Variants in NIPAL2 observed in about 807,000 individuals in gnomAD.
NIPAL2 encodes the protein NIPA like domain containing 2.
NIPAL2 carries 43 observed loss-of-function variants against 48.9 expected under a neutral mutation model. The observed-to-expected ratio is 0.88, with a 90% CI of 0.69 to 1.13. The LOEUF is 1.13. Ranked by LOEUF, NIPAL2 falls within the 50% of genes most tolerant of loss-of-function variation. NIPAL2 has a pLI of 0.00. For synonymous variants in NIPAL2, 167 were observed against 174.6 expected, an observed-to-expected ratio of 0.96 and a Z score of 0.34; for missense variants, 446 against 461.4, an observed-to-expected ratio of 0.97 and a Z score of 0.31.
intron 1 of NIPAL2, among the ~76,000 whole-genome samples, chr8:98,255,132 C>A (rs776328863): frequency 7.9e-5 from 12 of 152,204 alleles, no homozygotes; most frequent in Non-Finnish European, 1.2e-4. Context: ...TTAATAAACA[C>A]CTGCTTGAAA....
intron 1 of NIPAL2, among the ~76,000 whole-genome samples, chr8:98,256,631 T>A (rs1317126690): frequency 1.4e-5 from 2 of 146,892 alleles, no homozygotes. Context: ...TGGCTATAAT[T>A]AAAAAAAAAA....
chr8:98,246,286 A>G (rs1461335111), intron 3 of NIPAL2, among the ~76,000 whole-genome samples: 1 of 152,244 alleles, frequency 6.6e-6, no homozygotes, highest in Non-Finnish European at 1.5e-5. Context: ...CACCACAGAA[A>G]TACACAAAAC....
At chr8:98,232,953 G>A (rs564107341) in intron 4 of NIPAL2, among the ~76,000 whole-genome samples, 2 of 152,246 alleles carry the variant, frequency 1.3e-5, no homozygotes, top group East Asian at 3.9e-4. Context: ...ATAAATTTTA[G>A]CTGCTTTTAA....
intron 1 of NIPAL2, among the ~76,000 whole-genome samples, chr8:98,266,452 A>G (rs922792168): frequency 2.6e-5 from 4 of 151,622 alleles, no homozygotes; most frequent in South Asian, 4.2e-4. Flanking sequence ...AATATAAAAA[A>G]TTAGCCAGGC....
intron 8 of NIPAL2, among the ~76,000 whole-genome samples, chr8:98,201,419 G>C: frequency 6.6e-6 from 1 of 152,042 alleles, no homozygotes; most frequent in East Asian, 1.9e-4. Context: ...GGGTCCGGCT[G>C]TGTCACCCAG....
intron 1 of NIPAL2, among the ~76,000 whole-genome samples, chr8:98,259,408 G>A (rs1334920088): frequency 1.3e-5 from 2 of 152,010 alleles, no homozygotes; most frequent in African/African-American, 4.8e-5. Flanking sequence ...GTTTATTTTT[G>A]CCCAAAGCAG....
chr8:98,214,946 T>C (rs1303902582), intron 5 of NIPAL2, among the ~76,000 whole-genome samples: 1 of 152,238 alleles, frequency 6.6e-6, no homozygotes, highest in Admixed American at 6.5e-5. Flanking sequence ...TCCTAATTTC[T>C]GTCCATTTCA....
Position 98,233,263 on chromosome 8 carries a change from A to G in NIPAL2, c.436+2892T>C, listed in dbSNP as rs76973624. 2.7e-5 allele frequency among the ~76,000 whole-genome samples: 4 copies of G among 146,808 alleles called. No individual in the cohort carries two copies. The East Asian group carries it at 7.8e-4, about 29-fold the overall frequency. On this transcript the variant is annotated intron_variant, in intron 4 of 10. Coordinates refer to ENST00000430223, the MANE Select transcript of NIPAL2 (RefSeq NM_001321635.2). ...ACAGAGCGAGACTCCATCTCAAAAGAAAAAAAAAAGGTGAGGAATTAGCAA... is the reference window on the plus strand; with the variant it reads ...ACAGAGCGAGACTCCATCTCAAAAGGAAAAAAAAAGGTGAGGAATTAGCAA...
At chr8:98,262,977 C>T (rs1814453768) in intron 1 of NIPAL2, among the ~76,000 whole-genome samples, 1 of 148,582 alleles carries the variant, frequency 6.7e-6, no homozygotes, top group Non-Finnish European at 1.5e-5. Context: ...AAGAATCTCA[C>T]TCAAAACCGC....
At chr8:98,200,529 C>T (rs1270788325) in intron 8 of NIPAL2, among the ~76,000 whole-genome samples, 4 of 152,120 alleles carry the variant, frequency 2.6e-5, no homozygotes, top group Non-Finnish European at 5.9e-5. Flanking sequence ...ATTTATTCAT[C>T]TGTTGATGGA....
chr8:98,277,059 T>A (rs2130891127), intron 1 of NIPAL2, among the ~76,000 whole-genome samples: 1 of 152,254 alleles, frequency 6.6e-6, no homozygotes, highest in South Asian at 2.1e-4. Flanking sequence ...CGTGAGCCAG[T>A]ATACCCAGCC....
intron 6 of NIPAL2, among the ~76,000 whole-genome samples, chr8:98,211,303 CT>C (rs1811301873): frequency 6.6e-6 from 1 of 151,864 alleles, no homozygotes; most frequent in South Asian, 2.1e-4. Flanking sequence ...TCATTATTTT[CT>C]TATATAAGGT....
At chr8:98,290,223 G>A (rs1351561506) in intron 1 of NIPAL2, among the ~76,000 whole-genome samples, 2 of 152,156 alleles carry the variant, frequency 1.3e-5, no homozygotes, top group African/African-American at 4.8e-5. Flanking sequence ...ACAAATGTCA[G>A]TCTCCTCACT....
intron 1 of NIPAL2, among the ~76,000 whole-genome samples, chr8:98,287,507 A>C (rs139691541): frequency 8.5e-5 from 13 of 152,334 alleles, no homozygotes; most frequent in Admixed American, 7.8e-4. Flanking sequence ...AATAACTGAC[A>C]TAATTTTTCT....
intron 4 of NIPAL2, among the ~76,000 whole-genome samples, chr8:98,233,734 A>G (rs1398089772): frequency 1.3e-5 from 2 of 152,164 alleles, no homozygotes; most frequent in Non-Finnish European, 2.9e-5. Context: ...ACATATTGAT[A>G]TTTTTATTTC....
rs1485707722 is a variant in NIPAL2, at chr8:98,192,203, CT to C, written c.*774del. 1.3e-5 allele frequency: 2 copies of C among 152,146 alleles called. No individual in the cohort carries two copies. The highest frequency in any genetic ancestry group is 2.9e-5 in the Non-Finnish European group (2 of 68,014). 9.4% of individuals were successfully genotyped at this position (152,146 alleles called of 1,614,324 possible). ...AAAAAATAAACAAACATTAGTCCTA[CT>C]TTTTGTCTCTAACGCTTCATGAATT... On this transcript the variant is annotated 3_prime_UTR_variant, in exon 11 of 11. Coordinates refer to ENST00000430223, the MANE Select transcript of NIPAL2 (RefSeq NM_001321635.2).
intron 6 of NIPAL2, among the ~76,000 whole-genome samples, chr8:98,208,291 T>C (rs1254500159): frequency 6.6e-6 from 1 of 152,228 alleles, no homozygotes; most frequent in Middle Eastern, 3.2e-3. Context: ...TTTTCATCAA[T>C]ATACCTCCTT....
intron 4 of NIPAL2, among the ~76,000 whole-genome samples, chr8:98,233,352 G>GTA (rs1278276784): frequency 6.6e-6 from 1 of 151,906 alleles, no homozygotes; most frequent in Admixed American, 6.6e-5. Flanking sequence ...GTGTGTGTGT[G>GTA]TGTGTGTGTG....
At chr8:98,222,705 G>A (rs1204077591) in intron 4 of NIPAL2, 105 bp from the exon 5 acceptor site, 45 of 1,110,014 alleles carry the variant, frequency 4.1e-5, no homozygotes, top group East Asian at 7.2e-5. Context: ...AGTGCCAATC[G>A]CCCCTCCCTA....
Sources: allele counts gnomAD v4.1 joint callset (sites outside exome capture counted in the v4.1 genomes callset), GRCh38; gene constraint gnomAD v4.1.1; transcripts MANE v1.5; gene names NCBI Gene and HGNC (gene_info 2026-07-23, HGNC 2026-07-21).